Variants in USP8 observed in about 807,000 individuals in gnomAD.
USP8 encodes the protein ubiquitin carboxyl-terminal hydrolase 8.
A neutral mutation model predicts 130.0 loss-of-function variants in USP8; 27 were observed. The ratio of observed to expected loss-of-function variants is 0.21; its 90% CI spans 0.15 to 0.29. USP8 has a LOEUF of 0.29. USP8 is among the 10% of genes least tolerant of loss of function. The pLI is 1.00. For synonymous variants in USP8, 392 were observed against 444.1 expected (o/e 0.88, Z 1.48); for missense variants, 1,029 against 1,312.2 (o/e 0.78, Z 3.33).
intron 1 of USP8, among the ~76,000 whole-genome samples, chr15:50,430,993 G>A (rs2049912319): frequency 6.6e-6 from 1 of 152,190 alleles, no homozygotes; most frequent in Non-Finnish European, 1.5e-5. Flanking sequence ...ATCCTGCAGT[G>A]CACATTGCAC....
rs756641323 is a variant in USP8, at chr15:50,484,252, C to A, written c.1804-23C>A. The A allele has an allele frequency of 1.9e-6, 3 of 1,575,862 alleles. 1 individual carries two copies. In the South Asian group the frequency reaches 3.4e-5, roughly 18 times the overall value. ...GGAGAATTAAAGTTTTCTTTCACTTCTGTAATTTTAATAATTTTACAGCCA... is the reference window on the plus strand; with the variant it reads ...GGAGAATTAAAGTTTTCTTTCACTTATGTAATTTTAATAATTTTACAGCCA... On this transcript the variant is annotated intron_variant, in intron 11 of 19. Coordinates refer to ENST00000307179, the MANE Select transcript of USP8 (RefSeq NM_005154.5).
chr15:50,485,513 C>T (rs2051924254), intron 12 of USP8, among the ~76,000 whole-genome samples: 1 of 137,066 alleles, frequency 7.3e-6, no homozygotes, highest in Non-Finnish European at 1.5e-5. Flanking sequence ...AATTTGCATA[C>T]CATAAAATTC....
intron 10 of USP8, among the ~76,000 whole-genome samples, chr15:50,479,720 G>A (rs1221438905): frequency 1.3e-5 from 2 of 151,474 alleles, no homozygotes; most frequent in African/African-American, 4.8e-5. Context: ...GAAGTGAACA[G>A]GAAAAAAATT....
chr15:50,453,226 A>G (rs34269292), intron 4 of USP8, among the ~76,000 whole-genome samples: 4,089 of 152,316 alleles, frequency 0.027, 94 homozygotes, highest in East Asian at 0.096. Context: ...GTAAAATTCT[A>G]TCTGAAGTTA....
At chr15:50,457,276 C>G (rs2141275678) in intron 4 of USP8, among the ~76,000 whole-genome samples, 1 of 152,238 alleles carries the variant, frequency 6.6e-6, no homozygotes, top group Admixed American at 6.5e-5. Flanking sequence ...GCATATAAGA[C>G]CAGGTGCGGT....
chr15:50,481,259 A>G (rs2051756970), intron 10 of USP8, among the ~76,000 whole-genome samples: 3 of 152,320 alleles, frequency 2.0e-5, no homozygotes, highest in South Asian at 4.1e-4. Context: ...GGAAGAATTG[A>G]AAGTGTTGAA....
chr15:50,481,092 T>C (rs17597915), intron 10 of USP8, among the ~76,000 whole-genome samples: 20,782 of 152,142 alleles, frequency 0.14, 1,937 homozygotes, highest in Middle Eastern at 0.28. Flanking sequence ...CCGTTTTGGC[T>C]GTATGGGGTT....
rs921702718 is a variant in USP8 at position 50,506,352 on chromosome 15, T to C, written c.*7264T>C. On this transcript the variant is annotated 3_prime_UTR_variant, in exon 20 of 20. Transcript: ENST00000307179. ...ATTCTCACAGCAGCACAAACTCTAT[T>C]GTGAACTGCGCATGTGAGGGATCTA... 1 of 152,152 alleles carries C rather than the reference T, an allele frequency of 6.6e-6. No homozygotes were observed. The highest frequency in any genetic ancestry group is 2.4e-5 in the African/African-American group (1 of 41,424). The allele number at this position is 152,152 out of a possible 1,614,324, so 9.4% of individuals were successfully genotyped here.
At chr15:50,431,541 A>G (rs1465629597) in intron 1 of USP8, among the ~76,000 whole-genome samples, 3 of 152,258 alleles carry the variant, frequency 2.0e-5, no homozygotes, top group Non-Finnish European at 4.4e-5. Flanking sequence ...AGAAACATTT[A>G]TTAAAGTGGT....
rs769898763 is a variant in USP8 at position 50,462,313 on chromosome 15, A to G, written c.532A>G (p.Lys178Glu). Residue 178 changes from lysine to glutamate, a missense_variant, in exon 6 of 20, where the codon AAA (lysine) becomes GAA (glutamate). Lys to Glu is a moderately conservative substitution (Grantham distance 56, BLOSUM62 1). Around this residue, in one of 4 missense-constraint regions of USP8, gnomAD observed 281 missense variants for 336.7 expected, o/e 0.83. Transcript: ENST00000307179. The part of the protein sequence containing the change: ...NGEKNEKCET[K>E]EKGAITAKEL... ...TGAAAAGAATGAAAAATGTGAGACCAAAGAGAAAGGTAAGTGTGTACAGAA... is the reference window on the plus strand; with the variant it reads ...TGAAAAGAATGAAAAATGTGAGACCGAAGAGAAAGGTAAGTGTGTACAGAA... The G allele has an allele frequency of 1.2e-6, 2 of 1,602,498 alleles. No individual in the cohort carries two copies. The highest frequency in any genetic ancestry group is 2.2e-5 in the East Asian group (1 of 44,562).
intron 10 of USP8, among the ~76,000 whole-genome samples, chr15:50,478,819 C>G (rs938920839): frequency 6.6e-6 from 1 of 152,138 alleles, no homozygotes. Flanking sequence ...CTTTAGGAGG[C>G]GGAGGCAGGT....
chr15:50,436,755 C>T (rs538655154), intron 1 of USP8, among the ~76,000 whole-genome samples: 2 of 152,208 alleles, frequency 1.3e-5, no homozygotes, highest in East Asian at 1.9e-4. Flanking sequence ...CTGCAACCTC[C>T]ACCCTCTGGG....
rs199586071 is a variant in USP8, at chr15:50,449,392, A to C, written c.250-8A>C. ...TAACAATATGGGATGGTTTTCCTAT[A>C]ATTTTAGGATTATTTCCATTCAATA... is the stretch of plus-strand genomic sequence containing the variant. On this transcript the variant is annotated splice_polypyrimidine_tract_variant and splice_region_variant and intron_variant, in intron 3 of 19. Transcript: ENST00000307179. 1.5e-4 allele frequency: 230 copies of C among 1,555,598 alleles called. No individual in the cohort carries two copies. Among genetic ancestry groups the C allele is most frequent in the Admixed American group, 1.1e-4 (6 of 52,662 alleles).
chr15:50,493,841 T>A, intron 15 of USP8: 1 of 672,224 alleles, frequency 1.5e-6, no homozygotes, highest in East Asian at 2.9e-5. Context: ...CTGGAGCCTG[T>A]TGATGATGAG....
intron 15 of USP8, chr15:50,493,461 G>C: frequency 1.9e-6 from 1 of 519,006 alleles, no homozygotes; most frequent in South Asian, 1.4e-5. Context: ...TTATCCTTAG[G>C]AATAATGAAG....
rs1409250641 is a variant in USP8 at position 50,500,617 on chromosome 15, T to C, written c.*1529T>C. 8.0e-6 allele frequency: 5 copies of C among 625,360 alleles called. No homozygotes were observed. In the Admixed American group the frequency reaches 1.5e-4, roughly 18 times the overall value. 38.7% of individuals were successfully genotyped at this position (625,360 alleles called of 1,614,324 possible). A position where few individuals can be genotyped will look rare whatever the true frequency, so the allele number is the denominator to read the frequency against. ...ACTCTACCACCAGATGCTGACTGCT[T>C]GTTTTGCAGTGTTCAGGAAACACCA... On this transcript the variant is annotated 3_prime_UTR_variant, in exon 20 of 20. Coordinates refer to ENST00000307179, the MANE Select transcript of USP8 (RefSeq NM_005154.5).
chr15:50,459,232 G>C, intron 5 of USP8, 70 bp downstream of exon 5: 1 of 1,522,710 alleles, frequency 6.6e-7, no homozygotes. Flanking sequence ...AAAAAGAGTT[G>C]AGATACCACT....
chr15:50,471,853 A>G (rs1331645694), intron 8 of USP8, 58 bp downstream of exon 8: 1 of 1,575,036 alleles, frequency 6.3e-7, no homozygotes, highest in African/African-American at 1.4e-5. Flanking sequence ...GTTGTTAGAA[A>G]GGCATGTTAA....
chr15:50,490,139 C>A, intron 13 of USP8, 124 bp from the exon 14 acceptor site: 1 of 1,122,362 alleles, frequency 8.9e-7, no homozygotes, highest in Non-Finnish European at 1.3e-6. Context: ...AAGTTTATCG[C>A]CATTTTATTC....
Sources: allele counts gnomAD v4.1 joint callset (sites outside exome capture counted in the v4.1 genomes callset), GRCh38; gene constraint gnomAD v4.1.1; regional missense constraint gnomAD v4.1.1; transcripts MANE v1.5; gene names NCBI Gene and HGNC (gene_info 2026-07-23, HGNC 2026-07-21).